Variants in SPAG16 observed in about 807,000 individuals in gnomAD.
SPAG16 encodes sperm-associated antigen 16 protein.
In SPAG16, 86 loss-of-function variants were observed where a neutral mutation model predicts 80.4. That is an observed-to-expected ratio of 1.07 (90% CI 0.90 to 1.28). The LOEUF (loss-of-function observed/expected upper bound fraction) is 1.28. SPAG16 is among the 50% of genes most tolerant of loss of function. The pLI, the probability that SPAG16 is intolerant of heterozygous loss-of-function variation, is 0.00. For synonymous variants in SPAG16, 294 were observed against 265.9 expected (o/e 1.11, Z -1.03); for missense variants, 870 against 765.3 (o/e 1.14, Z -1.61).
intron 10 of SPAG16, among the ~76,000 whole-genome samples, chr2:213,832,506 A>C (rs2125721029): frequency 6.6e-6 from 1 of 152,226 alleles, no homozygotes; most frequent in African/African-American, 2.4e-5. Flanking sequence ...TAGAAAGTAC[A>C]GTCCCTCTCC....
intron 15 of SPAG16, among the ~76,000 whole-genome samples, chr2:214,392,478 C>A (rs1296689027): frequency 6.6e-6 from 1 of 152,118 alleles, no homozygotes; most frequent in African/African-American, 2.4e-5. Flanking sequence ...CCTGTACTCA[C>A]CCTTCCTCAA....
chr2:213,319,595 C>T (rs2063534506), intron 5 of SPAG16, among the ~76,000 whole-genome samples: 1 of 151,878 alleles, frequency 6.6e-6, no homozygotes, highest in African/African-American at 2.4e-5. Flanking sequence ...AATGGATTCA[C>T]TGGGAATTTG....
At chr2:213,663,145 C>T (rs2063484451) in intron 10 of SPAG16, among the ~76,000 whole-genome samples, 1 of 151,988 alleles carries the variant, frequency 6.6e-6, no homozygotes, top group Admixed American at 6.6e-5. Context: ...ATCTGTTGAG[C>T]TGTGTAGGAA....
At chr2:213,941,483 G>A (rs927426015) in intron 12 of SPAG16, among the ~76,000 whole-genome samples, 1 of 152,068 alleles carries the variant, frequency 6.6e-6, no homozygotes, top group Non-Finnish European at 1.5e-5. Context: ...GAGAGAGAGA[G>A]ATTGTTCTTG....
intron 10 of SPAG16, among the ~76,000 whole-genome samples, chr2:213,795,264 T>G (rs2070954079): frequency 6.6e-6 from 1 of 152,170 alleles, no homozygotes; most frequent in South Asian, 2.1e-4. Flanking sequence ...AGAAATTATT[T>G]TCATGATATG....
At chr2:213,539,883 C>A (rs747542318) in intron 10 of SPAG16, among the ~76,000 whole-genome samples, 2 of 152,030 alleles carry the variant, frequency 1.3e-5, no homozygotes, top group Non-Finnish European at 2.9e-5. Context: ...TATAATGAGT[C>A]TTTTAATTTC....
At chr2:214,033,935 T>G (rs2048551172) in intron 13 of SPAG16, among the ~76,000 whole-genome samples, 2 of 152,242 alleles carry the variant, frequency 1.3e-5, no homozygotes, top group Non-Finnish European at 1.5e-5. Flanking sequence ...GCCCCAATAG[T>G]GCCTTTATAA....
intron 12 of SPAG16, among the ~76,000 whole-genome samples, chr2:213,960,217 C>G (rs189099909): frequency 6.6e-6 from 1 of 151,980 alleles, no homozygotes; most frequent in Non-Finnish European, 1.5e-5. Flanking sequence ...CATTTCTTTT[C>G]GGATTTTCTC....
rs143814263 is a variant in SPAG16 at position 214,378,825 on chromosome 2, C to T, written c.1721-31315C>T. On this transcript the variant is annotated intron_variant, in intron 15 of 15. Coordinates refer to ENST00000331683, the MANE Select transcript of SPAG16 (RefSeq NM_024532.5). ...TGCAGGGACACTGTGCCCTCAGTCA[C>T]AGACCTAGGAAACAAGTTCCAGCTT... Among the ~76,000 whole-genome samples the T allele has an allele frequency of 1.2e-4, 19 of 152,310 alleles. No individual in the cohort carries two copies. The East Asian group carries it at 3.5e-3, about 28-fold the overall frequency.
intron 15 of SPAG16, among the ~76,000 whole-genome samples, chr2:214,154,781 A>T (rs1298782934): frequency 6.6e-6 from 1 of 152,174 alleles, no homozygotes; most frequent in Non-Finnish European, 1.5e-5. Flanking sequence ...TTTTGTATTT[A>T]AAATGATAAA....
chr2:213,657,895 GTCTT>G (rs1286182894), intron 10 of SPAG16, among the ~76,000 whole-genome samples: 3 of 152,142 alleles, frequency 2.0e-5, no homozygotes, highest in Non-Finnish European at 4.4e-5. Context: ...TCGAGAATGA[GTCTT>G]TCTACCTGTA....
At chr2:214,035,586 A>G (rs761719538) in intron 13 of SPAG16, among the ~76,000 whole-genome samples, 3 of 152,172 alleles carry the variant, frequency 2.0e-5, no homozygotes, top group East Asian at 1.9e-4. Context: ...CTCAGCCCCA[A>G]TCTTGCTCCA....
intron 14 of SPAG16, among the ~76,000 whole-genome samples, chr2:214,132,205 A>T (rs2125500661): frequency 6.6e-6 from 1 of 152,338 alleles, no homozygotes; most frequent in Admixed American, 6.5e-5. Flanking sequence ...CTTTCCAGGT[A>T]TGGAAATAAT....
chr2:214,260,250 C>T (rs1691040664), intron 15 of SPAG16, among the ~76,000 whole-genome samples: 1 of 152,046 alleles, frequency 6.6e-6, no homozygotes, highest in South Asian at 2.1e-4. Context: ...ACCAAAATTT[C>T]GGAAATCATC....
intron 9 of SPAG16, among the ~76,000 whole-genome samples, chr2:213,458,961 A>G (rs1466518471): frequency 1.3e-5 from 2 of 152,190 alleles, no homozygotes; most frequent in African/African-American, 4.8e-5. Context: ...GTCATTTATC[A>G]GTTGGGAAAA....
intron 10 of SPAG16, among the ~76,000 whole-genome samples, chr2:213,557,955 G>A (rs528921558): frequency 2.0e-5 from 3 of 152,140 alleles, no homozygotes; most frequent in East Asian, 1.9e-4. Context: ...AGAGTAAAAT[G>A]TTCATTATAG....
At chr2:213,740,178 GTAAGA>G (rs776389042) in intron 10 of SPAG16, among the ~76,000 whole-genome samples, 1 of 152,108 alleles carries the variant, frequency 6.6e-6, no homozygotes, top group Non-Finnish European at 1.5e-5. Flanking sequence ...AGATGTAGCT[GTAAGA>G]TAATTTATAA....
chr2:213,745,200 T>C (rs1472843118), intron 10 of SPAG16, among the ~76,000 whole-genome samples: 1 of 152,182 alleles, frequency 6.6e-6, no homozygotes, highest in Non-Finnish European at 1.5e-5. Flanking sequence ...CATAAATTAA[T>C]TTGATCTATT....
In SPAG16 at chr2:213,861,332, A is replaced by G. The variant is rs953670174; in HGVS notation, c.1071-1153A>G. On this transcript the variant is annotated intron_variant, in intron 10 of 15. Coordinates refer to ENST00000331683, the MANE Select transcript of SPAG16 (RefSeq NM_024532.5). ...AAATAATGAGAAATGTTTTGCTCTC[A>G]TATAAGCCTGGAGTTAGCTAGCCAT... Among the ~76,000 whole-genome samples, 5 of 152,334 alleles carry G rather than the reference A, an allele frequency of 3.3e-5. No homozygotes were observed. In the South Asian group the frequency reaches 1.0e-3, roughly 32 times the overall value.
Sources: gnomAD v4.1 joint callset for allele counts (sites outside exome capture counted in the v4.1 genomes callset) on GRCh38, gnomAD v4.1.1 for gene constraint, MANE v1.5 for transcripts, NCBI Gene and HGNC (gene_info 2026-07-23, HGNC 2026-07-21) for gene names.